Variants in TMC2 observed in about 807,000 individuals in gnomAD.
TMC2 encodes transmembrane channel-like protein 2.
A neutral mutation model predicts 105.9 loss-of-function variants in TMC2; 102 were observed. The observed-to-expected ratio is 0.96, with a 90% confidence interval of 0.82 to 1.14. The LOEUF is 1.14. TMC2 is among the 50% of genes most tolerant of loss of function. The pLI is 0.00. For synonymous variants in TMC2, 402 were observed against 422.8 expected (o/e 0.95, Z 0.60); for missense variants, 1,093 against 1,134.3 (o/e 0.96, Z 0.52).
At chr20:2,549,153 T>TTGGGTAATCCCACTCTCTCAGCCTCC (rs2085942054) in intron 2 of TMC2, among the ~76,000 whole-genome samples, 1 of 152,074 alleles carries the variant, frequency 6.6e-6, no homozygotes, top group Non-Finnish European at 1.5e-5. Context: ...CACAGCTCAC[T>TTGGGTAATCCCACTCTCTCAGCCTCC]TGGGTAATCC....
At chr20:2,573,561 C>CTTTTTTTT (rs370771531) in intron 5 of TMC2, among the ~76,000 whole-genome samples, 8 of 117,000 alleles carry the variant, frequency 6.8e-5, no homozygotes, top group African/African-American at 1.6e-4. Flanking sequence ...CTTTTCTTTT[C>CTTTTTTTT]TTTTTTTTTT....
At chr20:2,588,691 T>TTGTGTGTGTGTGTGTG (rs57035040) in intron 7 of TMC2, among the ~76,000 whole-genome samples, 5,154 of 143,482 alleles carry the variant, frequency 0.036, 184 homozygotes, top group African/African-American at 0.085. Flanking sequence ...GCATGTGTCT[T>TTGTGTGTGTGTGTGTG]TGTGTGTGTG....
In TMC2 at chr20:2,625,489, G is replaced by A. The variant is rs184160152; in HGVS notation, c.2306+1093G>A. Among the ~76,000 whole-genome samples, 464 of 152,148 alleles carry A rather than the reference G, an allele frequency of 3.0e-3. 2 individuals carry two copies. The highest frequency in any genetic ancestry group is 0.011 in the African/African-American group (447 of 41,476). On this transcript the variant is annotated intron_variant, in intron 17 of 19. Transcript: ENST00000358864. ...CACATGTGTGTATAGTACTGTTTCCGGAGTTTTAAACCTTTTCATGAATGA... is the reference window on the plus strand; with the variant it reads ...CACATGTGTGTATAGTACTGTTTCCAGAGTTTTAAACCTTTTCATGAATGA...
At chr20:2,614,500 G>A (rs2086466035) in intron 14 of TMC2, among the ~76,000 whole-genome samples, 1 of 152,118 alleles carries the variant, frequency 6.6e-6, no homozygotes, top group Admixed American at 6.5e-5. Flanking sequence ...AGCTACTCAG[G>A]AGGCTAAGGC....
At chr20:2,629,529 TAAAAAA>T (rs56821075) in intron 17 of TMC2, among the ~76,000 whole-genome samples, 1 of 116,070 alleles carries the variant, frequency 8.6e-6, no homozygotes, top group African/African-American at 3.3e-5. Context: ...CTTACAGAAG[TAAAAAA>T]AAAAAAAAAA....
In TMC2 at chr20:2,636,013, G is replaced by T; in HGVS notation, c.2385+9G>T. Reference sequence around the variant, plus strand: ...GGAAGAAAATCCAAGTGGTGAGTCTGTTGGGAGTTTCATCCTGGACGGTAA... The same window carrying T: ...GGAAGAAAATCCAAGTGGTGAGTCTTTTGGGAGTTTCATCCTGGACGGTAA... On this transcript the variant is annotated intron_variant, in intron 18 of 19. Transcript: ENST00000358864. The T allele has an allele frequency of 6.2e-7, 1 of 1,612,654 alleles. No individual in the cohort carries two copies. The highest frequency in any genetic ancestry group is 8.5e-7 in the Non-Finnish European group (1 of 1,178,632).
chr20:2,558,902 C>A lies in TMC2; in HGVS notation c.401+128C>A. ...GAGGCAGCCCGTGCCCTCGCTCTGG[C>A]TTCCGTGCCTCCCAGCCCTTACCAC... On this transcript the variant is annotated intron_variant, in intron 3 of 19. Transcript: ENST00000358864. This position sits in a 1 kb window ranked among gnomAD's most constrained non-coding sequence, Gnocchi z 4.6. 1 of 941,518 alleles carries A rather than the reference C, an allele frequency of 1.1e-6. No individual in the cohort carries two copies. Among genetic ancestry groups the A allele is most frequent in the South Asian group, 1.8e-5 (1 of 56,360 alleles). 58.3% of individuals were successfully genotyped at this position (941,518 alleles called of 1,614,324 possible). A position where few individuals can be genotyped will look rare whatever the true frequency, so the allele number is the denominator to read the frequency against.
chr20:2,543,903 GTTT>G (rs1555769797), intron 2 of TMC2, among the ~76,000 whole-genome samples: 2 of 144,178 alleles, frequency 1.4e-5, no homozygotes, highest in African/African-American at 2.6e-5. Context: ...CTGCATGTCA[GTTT>G]TTTTTTTTTT....
chr20:2,609,399 AAAG>A (rs2086418080), intron 11 of TMC2, among the ~76,000 whole-genome samples: 1 of 152,228 alleles, frequency 6.6e-6, no homozygotes, highest in African/African-American at 2.4e-5. Flanking sequence ...TCCCTTCCAC[AAAG>A]CCTTCACTGG....
At chr20:2,633,511 T>C (rs2086619289) in intron 17 of TMC2, among the ~76,000 whole-genome samples, 1 of 152,208 alleles carries the variant, frequency 6.6e-6, no homozygotes, top group African/African-American at 2.4e-5. Flanking sequence ...AGCCGTGATG[T>C]TCAACAATTG....
chr20:2,613,050 C>A, intron 13 of TMC2, 144 bp from the exon 14 acceptor site: 1 of 1,122,186 alleles, frequency 8.9e-7, no homozygotes, highest in Non-Finnish European at 1.2e-6. Flanking sequence ...AGTCGCCTCT[C>A]TTCACACACA....
chr20:2,620,160 G>A (rs925097882), intron 16 of TMC2, among the ~76,000 whole-genome samples: 1 of 152,224 alleles, frequency 6.6e-6, no homozygotes, highest in Non-Finnish European at 1.5e-5. Context: ...GCAAAGTATT[G>A]AAGGTACAGC....
rs2086308667 is a variant in TMC2 at position 2,596,631 on chromosome 20, A to AT, written c.1077-520_1077-519insT. ...CTGGACGACAGAGCGAGACTCTGTT[A>AT]CCAAAAAAAAAAAAAAAAAGTAGCA... On this transcript the variant is annotated intron_variant, in intron 9 of 19. Transcript: ENST00000358864. Among the ~76,000 whole-genome samples, 4 of 135,550 alleles carry AT rather than the reference A, an allele frequency of 3.0e-5. No individual in the cohort carries two copies. The Admixed American group carries it at 3.0e-4, about 10-fold the overall frequency. 88.9% of individuals were successfully genotyped at this position (135,550 alleles called of 152,430 possible).
chr20:2,635,866 C>T (rs2146270514), intron 17 of TMC2, 60 bp from the exon 18 acceptor site: 1 of 1,411,586 alleles, frequency 7.1e-7, no homozygotes, highest in East Asian at 2.3e-5. Flanking sequence ...AAGAAAGGCG[C>T]CCAGCTCCTA....
At chr20:2,564,026 C>G (rs948582089) in intron 4 of TMC2, among the ~76,000 whole-genome samples, 1 of 152,070 alleles carries the variant, frequency 6.6e-6, no homozygotes, top group East Asian at 1.9e-4. Context: ...CCACACCTGG[C>G]CCATTTGTCA....
chr20:2,621,667 CA>C (rs1206629460), intron 16 of TMC2, among the ~76,000 whole-genome samples: 1 of 152,084 alleles, frequency 6.6e-6, no homozygotes, highest in Non-Finnish European at 1.5e-5. Context: ...GACTCTGTCT[CA>C]AAAAATAAAA....
chr20:2,573,591 C>G (rs539890780), intron 5 of TMC2, among the ~76,000 whole-genome samples: 20 of 126,948 alleles, frequency 1.6e-4, no homozygotes, highest in African/African-American at 6.0e-4. Context: ...GACGGAGTCT[C>G]ACTCTGTTGC....
intron 2 of TMC2, among the ~76,000 whole-genome samples, chr20:2,541,172 T>C (rs2085887628): frequency 6.6e-6 from 1 of 152,244 alleles, no homozygotes; most frequent in African/African-American, 2.4e-5. Context: ...AAAGACTTCA[T>C]GGTAATTATT....
chr20:2,539,990 C>CTTTTTTTT (rs57860432), intron 2 of TMC2, among the ~76,000 whole-genome samples: 44 of 115,070 alleles, frequency 3.8e-4, no homozygotes, highest in Admixed American at 5.0e-4. Context: ...CTTTTCTTTT[C>CTTTTTTTT]TTTTTTTTTT....
Sources: gnomAD v4.1 joint callset for allele counts (sites outside exome capture counted in the v4.1 genomes callset) on GRCh38, gnomAD v4.1.1 for gene constraint, Gnocchi (gnomAD v3.1) non-coding constraint, MANE v1.5 for transcripts, NCBI Gene and HGNC (gene_info 2026-07-23, HGNC 2026-07-21) for gene names.